The following OR9Q1 variants were observed in gnomAD, a reference collection of about 807,000 sequenced individuals.
OR9Q1 encodes the protein olfactory receptor 9Q1.
For missense variants in OR9Q1, 374 were observed against 378.8 expected (o/e 0.99, Z 0.11); for synonymous variants, 153 against 148.6 (o/e 1.03, Z -0.22).
intron 1 of OR9Q1, among the ~76,000 whole-genome samples, chr11:58,028,590 A>T (rs181541742): frequency 6.6e-6 from 1 of 152,296 alleles, no homozygotes. Context: ...ATCTGTGTGC[A>T]GTATCTCCAC....
At position 58,084,028 on chromosome 11, in the gene OR9Q1, G is replaced by A. The variant is rs116334997; in HGVS notation, c.-15+28081G>A. ...TGATAGTTTGATAAGAATAGCATTG[G>A]ATCTGTAGATCGCTTTGGGCTGTAT... On this transcript the variant is annotated intron_variant, in intron 2 of 2. Transcript: ENST00000335397. Among the ~76,000 whole-genome samples the A allele has an allele frequency of 8.7e-3, 1,321 of 151,900 alleles. 51 individuals carry two copies. The highest frequency in any genetic ancestry group is 0.03 in the African/African-American group (1,240 of 41,284).
intron 2 of OR9Q1, among the ~76,000 whole-genome samples, chr11:58,121,659 C>T (rs924472141): frequency 1.3e-5 from 2 of 152,134 alleles, no homozygotes; most frequent in African/African-American, 4.8e-5. Flanking sequence ...ATTCAGAGTC[C>T]TTGAATCTAG....
chr11:58,146,726 A>G (rs957833187), intron 2 of OR9Q1, among the ~76,000 whole-genome samples: 1 of 152,198 alleles, frequency 6.6e-6, no homozygotes, highest in Non-Finnish European at 1.5e-5. Context: ...GTTTAAGCAG[A>G]GGCTTCAGGA....
chr11:58,055,317 C>T (rs578236474), intron 1 of OR9Q1, among the ~76,000 whole-genome samples: 40 of 152,126 alleles, frequency 2.6e-4, no homozygotes, highest in Admixed American at 5.9e-4. Context: ...ACATAAGCAC[C>T]GATGAAATTA....
chr11:58,127,821 A>G (rs1228313302), intron 2 of OR9Q1, among the ~76,000 whole-genome samples: 10 of 152,178 alleles, frequency 6.6e-5, no homozygotes, highest in Admixed American at 6.5e-4. Context: ...GGAAGAAAGG[A>G]AGACTGAGGT....
intron 1 of OR9Q1, among the ~76,000 whole-genome samples, chr11:58,048,677 A>ATATATATAT (rs796426109): frequency 9.1e-6 from 1 of 109,822 alleles, no homozygotes; most frequent in Admixed American, 9.5e-5. Context: ...CTTAAAAAAA[A>ATATATATAT]AAATATATAT....
At chr11:58,052,725 C>G (rs1211346312) in intron 1 of OR9Q1, among the ~76,000 whole-genome samples, 1 of 144,104 alleles carries the variant, frequency 6.9e-6, no homozygotes, top group East Asian at 2.0e-4. Flanking sequence ...TATCCAGAAT[C>G]TACAATGAAC....
At chr11:58,177,062 C>T (rs921229380) in intron 2 of OR9Q1, among the ~76,000 whole-genome samples, 1 of 152,054 alleles carries the variant, frequency 6.6e-6, no homozygotes, top group East Asian at 1.9e-4. Context: ...TCATTTTTTT[C>T]CCAATAGGTC....
intron 2 of OR9Q1, among the ~76,000 whole-genome samples, chr11:58,087,502 A>G (rs1853644964): frequency 6.6e-6 from 1 of 151,936 alleles, no homozygotes; most frequent in Non-Finnish European, 1.5e-5. Flanking sequence ...GAGGTATTTA[A>G]TAAGCTCTAA....
At chr11:58,030,090 C>T (rs1416186076) in intron 1 of OR9Q1, among the ~76,000 whole-genome samples, 1 of 152,150 alleles carries the variant, frequency 6.6e-6, no homozygotes. Context: ...GAGCTGCCTG[C>T]CTTAGACTCC....
At position 58,061,591 on chromosome 11, in the gene OR9Q1, C is replaced by T. The variant is rs541173063; in HGVS notation, c.-15+5644C>T. Among the ~76,000 whole-genome samples the T allele has an allele frequency of 2.0e-4, 31 of 152,334 alleles. No homozygotes were observed. In the South Asian group the frequency reaches 6.4e-3, roughly 32 times the overall value. On this transcript the variant is annotated intron_variant, in intron 2 of 2. Coordinates refer to ENST00000335397, the MANE Select transcript of OR9Q1 (RefSeq NM_001005212.4). ...GTCAAGCCAGTGCCCTTCATTGTTT[C>T]TAGCTCTTCGGCTTCCCAGCCCACC...
chr11:58,179,156 G>A (rs2119975071), intron 2 of OR9Q1, among the ~76,000 whole-genome samples: 1 of 151,466 alleles, frequency 6.6e-6, no homozygotes, highest in Admixed American at 6.6e-5. Flanking sequence ...CCGAGTAGCT[G>A]GGATTACAGG....
At chr11:58,162,778 C>A (rs1034055861) in intron 2 of OR9Q1, among the ~76,000 whole-genome samples, 16 of 152,110 alleles carry the variant, frequency 1.1e-4, no homozygotes, top group Non-Finnish European at 1.5e-4. Context: ...CCTTGGGTAA[C>A]CTTCATCCCT....
chr11:58,149,265 T>C (rs1854327841), intron 2 of OR9Q1, among the ~76,000 whole-genome samples: 1 of 152,170 alleles, frequency 6.6e-6, no homozygotes, highest in Non-Finnish European at 1.5e-5. Context: ...ATTTCATTCA[T>C]TAATTCAATA....
At chr11:58,114,792 G>T (rs1391243766) in intron 2 of OR9Q1, among the ~76,000 whole-genome samples, 1 of 152,188 alleles carries the variant, frequency 6.6e-6, no homozygotes. Context: ...GGGTTGTGTT[G>T]TATGTCTTGC....
intron 2 of OR9Q1, among the ~76,000 whole-genome samples, chr11:58,100,368 A>G (rs1256733575): frequency 6.6e-6 from 1 of 152,216 alleles, no homozygotes; most frequent in Non-Finnish European, 1.5e-5. Context: ...TGTTCAATGT[A>G]AAAACTTGCA....
chr11:58,118,558 T>C (rs1853983368), intron 2 of OR9Q1: 2 of 1,613,686 alleles, frequency 1.2e-6, no homozygotes, highest in South Asian at 2.2e-5. Flanking sequence ...GTCTTTTACA[T>C]CTTTGTTTCT....
At chr11:58,130,218 T>C (rs1854127484) in intron 2 of OR9Q1, among the ~76,000 whole-genome samples, 1 of 152,062 alleles carries the variant, frequency 6.6e-6, no homozygotes, top group African/African-American at 2.4e-5. Flanking sequence ...AGTTAAACAC[T>C]TCAATAGAAA....
chr11:58,107,667 G>C (rs1853855046), intron 2 of OR9Q1, among the ~76,000 whole-genome samples: 1 of 152,098 alleles, frequency 6.6e-6, no homozygotes, highest in Non-Finnish European at 1.5e-5. Flanking sequence ...TCTGGTTCTA[G>C]ATCCTTGAGG....
Sources: allele counts gnomAD v4.1 joint callset (sites outside exome capture counted in the v4.1 genomes callset), GRCh38; gene constraint gnomAD v4.1.1; transcripts MANE v1.5; gene names NCBI Gene and HGNC (gene_info 2026-07-23, HGNC 2026-07-21).